Variants in TENM1 observed in about 807,000 individuals in gnomAD.
TENM1 encodes the protein teneurin-1.
TENM1 carries 35 observed loss-of-function variants against 174.8 expected under a neutral mutation model. That is an observed-to-expected ratio of 0.20 (90% confidence interval 0.15 to 0.27). The LOEUF (loss-of-function observed/expected upper bound fraction) is 0.27. Ranked by LOEUF, TENM1 falls within the 10% of genes least tolerant of loss-of-function variation. The pLI, the probability that TENM1 is intolerant of heterozygous loss-of-function variation, is 1.00. For synonymous variants in TENM1, 781 were observed against 798.7 expected (o/e 0.98, Z 0.37); for missense variants, 1,633 against 2,130.1 (o/e 0.77, Z 4.59).
At chrX:124,504,741 T>C (rs111771522) in intron 18 of TENM1, among the ~76,000 whole-genome samples, 3,001 of 111,524 alleles carry the variant, frequency 0.027, 90 homozygotes, top group African/African-American at 0.092. Context: ...GTCCTTCCTT[T>C]GTCATTTGGT....
intron 3 of TENM1, among the ~76,000 whole-genome samples, chrX:124,793,949 C>T (rs2055243097): frequency 9.0e-6 from 1 of 110,510 alleles, no homozygotes; most frequent in Admixed American, 9.7e-5. Flanking sequence ...CCAAGTGGCC[C>T]CTTGCCCTCT....
At chrX:124,910,681 T>C (rs1279520028) in intron 1 of TENM1, among the ~76,000 whole-genome samples, 1 of 111,727 alleles carries the variant, frequency 9.0e-6, no homozygotes, top group Non-Finnish European at 1.9e-5. Flanking sequence ...GTTCCTTTTG[T>C]CCATCCACTG....
chrX:124,894,397 C>G (rs771220694), intron 2 of TENM1, 45 bp from the exon 6 acceptor site: 12 of 1,006,014 alleles, frequency 1.2e-5, no homozygotes. Context: ...TCCAAGTCAT[C>G]TGCAATTCCT....
the TENM1 span, among the ~76,000 whole-genome samples, chrX:124,988,037 A>G: frequency 2.7e-5 from 3 of 111,862 alleles, no homozygotes; most frequent in African/African-American, 9.7e-5. Flanking sequence ...AGTAAATAAA[A>G]TAAAAGTAGT....
the TENM1 span, among the ~76,000 whole-genome samples, chrX:125,076,818 C>T: frequency 8.1e-5 from 9 of 111,460 alleles, no homozygotes; most frequent in East Asian, 2.6e-3. Flanking sequence ...TAGTTTTCCC[C>T]TTTTGTGTTT....
At chrX:124,517,652 G>A (rs1402750916) in intron 18 of TENM1, among the ~76,000 whole-genome samples, 1 of 81,055 alleles carries the variant, frequency 1.2e-5, no homozygotes, top group Non-Finnish European at 2.4e-5. Flanking sequence ...ATCACACACC[G>A]GGGCCTGTTG....
intron 1 of TENM1, among the ~76,000 whole-genome samples, chrX:124,946,165 C>T (rs1257117342): frequency 9.0e-6 from 1 of 111,094 alleles, no homozygotes; most frequent in African/African-American, 3.3e-5. Context: ...TTGAAAAAAA[C>T]GTGTTGTTAG....
At chrX:124,538,115 C>T (rs966342499) in intron 15 of TENM1, among the ~76,000 whole-genome samples, 1 of 111,952 alleles carries the variant, frequency 8.9e-6, no homozygotes, top group Non-Finnish European at 1.9e-5. Context: ...AGACAGTCAG[C>T]ACTATAAATC....
intron 11 of TENM1, among the ~76,000 whole-genome samples, chrX:124,614,911 G>A (rs1463171638): frequency 1.8e-5 from 2 of 111,808 alleles, no homozygotes; most frequent in Non-Finnish European, 3.8e-5. Context: ...AGCATTAAGT[G>A]GTAACTAGAA....
chrX:124,578,434 T>C (rs2049223654), intron 11 of TENM1, among the ~76,000 whole-genome samples: 1 of 111,665 alleles, frequency 9.0e-6, no homozygotes, highest in African/African-American at 3.3e-5. Flanking sequence ...TAAAGCCTGA[T>C]TTCCTGGTCT....
intron 18 of TENM1, among the ~76,000 whole-genome samples, chrX:124,507,900 G>A (rs1300387337): frequency 1.8e-5 from 2 of 112,076 alleles, no homozygotes; most frequent in Non-Finnish European, 3.8e-5. Flanking sequence ...GTCAATGTGA[G>A]AAATTTACAT....
chrX:124,783,830 A>C (rs1341221598), intron 3 of TENM1, among the ~76,000 whole-genome samples: 1 of 112,469 alleles, frequency 8.9e-6, no homozygotes, highest in African/African-American at 3.2e-5. Flanking sequence ...TAGGGAACAG[A>C]GTTTAGGCAA....
chrX:125,192,609 A>G, the TENM1 span, among the ~76,000 whole-genome samples: 2 of 111,986 alleles, frequency 1.8e-5, no homozygotes, highest in African/African-American at 3.2e-5. Flanking sequence ...AATTATTCAG[A>G]TAAAGAATAT....
the TENM1 span, among the ~76,000 whole-genome samples, chrX:125,006,340 T>C: frequency 1.8e-5 from 2 of 111,898 alleles, no homozygotes; most frequent in Non-Finnish European, 3.8e-5. Flanking sequence ...GCAGGGCATC[T>C]CTGCAGGAAA....
chrX:124,792,451 A>T (rs1021913435), intron 3 of TENM1, among the ~76,000 whole-genome samples: 3 of 112,361 alleles, frequency 2.7e-5, no homozygotes, highest in Admixed American at 1.9e-4. Context: ...AGAATTTTCT[A>T]GTTCTTTTCA....
intron 22 of TENM1, among the ~76,000 whole-genome samples, chrX:124,473,400 A>G (rs7058145): frequency 0.11 from 12,396 of 111,162 alleles, 589 homozygotes; most frequent in Middle Eastern, 0.15. Flanking sequence ...CTTCTTTTTC[A>G]TCAGCTGAGG....
chrX:124,625,908 C>T (rs1046031319), intron 11 of TENM1, among the ~76,000 whole-genome samples: 2 of 110,964 alleles, frequency 1.8e-5, no homozygotes, highest in Non-Finnish European at 3.8e-5. Flanking sequence ...TTGGTGGGGA[C>T]GCAGATCCAA....
chrX:124,403,521 A>C (rs1234333945), intron 27 of TENM1, among the ~76,000 whole-genome samples: 1 of 37,322 alleles, frequency 2.7e-5, no homozygotes, highest in Admixed American at 2.9e-4. Flanking sequence ...CTCTTGTCTC[A>C]AAAAAAAAAA....
At chrX:124,376,740 TTTTG>T (rs1361985864) in exon 32 of TENM1, 3 of 111,496 alleles carry the variant, frequency 2.7e-5, no homozygotes, top group South Asian at 3.7e-4. Context: ...CTTTGCTTTT[TTTTG>T]TTTTTTTGTT....
Sources: allele counts gnomAD v4.1 joint callset (sites outside exome capture counted in the v4.1 genomes callset), GRCh38; gene constraint gnomAD v4.1.1; transcripts MANE v1.5; gene names NCBI Gene and HGNC (gene_info 2026-07-23, HGNC 2026-07-21).